Variants in DLGAP2 observed in about 807,000 individuals in gnomAD.
DLGAP2 encodes disks large-associated protein 2.
Under a neutral mutation model 100.3 loss-of-function variants are expected in DLGAP2, and 26 were observed. That is an observed-to-expected ratio of 0.26 (90% CI 0.19 to 0.36). The LOEUF (loss-of-function observed/expected upper bound fraction) is 0.36, where lower values mean the gene tolerates loss of function less well. DLGAP2 is among the 10% of genes least tolerant of loss of function. The probability of loss-of-function intolerance (pLI) is 1.00; values close to 1 mark genes in which losing one functional copy is unlikely to be tolerated. For synonymous variants in DLGAP2, 886 were observed against 630.1 expected (o/e 1.41, Z -6.08); for missense variants, 1,858 against 1,453.2 (o/e 1.28, Z -4.53).
At chr8:1,372,094 G>C (rs564505643) in intron 3 of DLGAP2, among the ~76,000 whole-genome samples, 29 of 152,256 alleles carry the variant, frequency 1.9e-4, no homozygotes, top group Non-Finnish European at 4.1e-4. Context: ...GGGGTGGGCA[G>C]CTGGGGACAG....
At chr8:809,339 A>C (rs1796326209) in intron 1 of DLGAP2, among the ~76,000 whole-genome samples, 2 of 152,316 alleles carry the variant, frequency 1.3e-5, no homozygotes, top group East Asian at 3.9e-4. Flanking sequence ...TCACTATTTG[A>C]AACTTTGCCC....
intron 1 of DLGAP2, among the ~76,000 whole-genome samples, chr8:832,753 A>G (rs941809567): frequency 1.3e-5 from 2 of 152,224 alleles, no homozygotes. Flanking sequence ...TGTCAGCTGC[A>G]GTAGGCAGCA....
At chr8:1,290,513 T>C (rs1467662914) in intron 3 of DLGAP2, among the ~76,000 whole-genome samples, 2 of 152,208 alleles carry the variant, frequency 1.3e-5, no homozygotes, top group Non-Finnish European at 2.9e-5. Flanking sequence ...CCCTTTATAA[T>C]GAAGGGATCA....
chr8:1,481,465 C>CTTTTTCT (rs1799090546), intron 3 of DLGAP2, among the ~76,000 whole-genome samples: 3 of 81,720 alleles, frequency 3.7e-5, no homozygotes, highest in Admixed American at 1.5e-4. Flanking sequence ...TTTTCTTTTT[C>CTTTTTCT]TTTTTCTTTT....
chr8:933,312 G>C (rs950759083), intron 2 of DLGAP2, among the ~76,000 whole-genome samples: 4 of 152,166 alleles, frequency 2.6e-5, no homozygotes, highest in African/African-American at 9.7e-5. Flanking sequence ...TCCCGGGGGT[G>C]AGGGCAGAGT....
chr8:1,439,162 A>G (rs936108425), intron 3 of DLGAP2, among the ~76,000 whole-genome samples: 2 of 152,092 alleles, frequency 1.3e-5, no homozygotes, highest in African/African-American at 4.8e-5. Context: ...AGTGCTGAGA[A>G]TTTAAGAGAA....
intron 2 of DLGAP2, among the ~76,000 whole-genome samples, chr8:1,136,097 TC>T (rs5888820): frequency 0.03 from 4,626 of 152,194 alleles, 153 homozygotes; most frequent in African/African-American, 0.083. Context: ...GATTTGAGAT[TC>T]CCCTTGCCTT....
chr8:1,229,761 A>C (rs1164352208), intron 2 of DLGAP2, among the ~76,000 whole-genome samples: 1 of 152,198 alleles, frequency 6.6e-6, no homozygotes, highest in Non-Finnish European at 1.5e-5. Flanking sequence ...AGAATTACAA[A>C]CAAAAACCAT....
chr8:1,451,306 T>TG (rs976876067), intron 3 of DLGAP2, among the ~76,000 whole-genome samples: 25 of 152,108 alleles, frequency 1.6e-4, no homozygotes, highest in African/African-American at 5.8e-4. Context: ...ACTCAGTCCC[T>TG]GGGGGAGGAG....
chr8:1,260,395 C>T (rs1195751921), intron 3 of DLGAP2, among the ~76,000 whole-genome samples: 2 of 152,088 alleles, frequency 1.3e-5, no homozygotes, highest in African/African-American at 4.8e-5. Flanking sequence ...TCTTGCTCTT[C>T]GTCTACTTGT....
chr8:1,513,041 A>C lies in DLGAP2; in HGVS notation c.172+11610A>C, dbSNP rs1267567111. Among the ~76,000 whole-genome samples, 5 of 152,018 alleles carry C rather than the reference A, an allele frequency of 3.3e-5. No individual in the cohort carries two copies. In the East Asian group the frequency reaches 9.7e-4, roughly 29 times the overall value. ...TGCAGAGGAGGATGGAAGAGGCCAC[A>C]GGCCAGCTCCAGGGAGGCTCAGTGG... On this transcript the variant is annotated intron_variant, in intron 4 of 14. Transcript: ENST00000637795.
chr8:882,340 C>T (rs1194289914), intron 1 of DLGAP2, among the ~76,000 whole-genome samples: 1 of 150,574 alleles, frequency 6.6e-6, no homozygotes, highest in African/African-American at 2.4e-5. Flanking sequence ...CCAGCGGCAC[C>T]GCTCCCTGCG....
chr8:1,225,544 A>G (rs1189905163), intron 2 of DLGAP2, among the ~76,000 whole-genome samples: 3 of 152,198 alleles, frequency 2.0e-5, no homozygotes, highest in African/African-American at 7.2e-5. Flanking sequence ...ATGCCACTAC[A>G]TGGATCCCGT....
At chr8:1,253,276 T>C (rs1233540989) in intron 2 of DLGAP2, among the ~76,000 whole-genome samples, 1 of 152,180 alleles carries the variant, frequency 6.6e-6, no homozygotes, top group African/African-American at 2.4e-5. Context: ...GGTTCCTGTG[T>C]GTGCCCTTTC....
At chr8:1,032,414 C>G (rs999483358) in intron 2 of DLGAP2, among the ~76,000 whole-genome samples, 2 of 152,186 alleles carry the variant, frequency 1.3e-5, no homozygotes, top group African/African-American at 4.8e-5. Flanking sequence ...CATCTTGAGC[C>G]AGCGCACGAT....
intron 3 of DLGAP2, among the ~76,000 whole-genome samples, chr8:1,386,229 C>G (rs1055543103): frequency 6.6e-6 from 1 of 152,090 alleles, no homozygotes; most frequent in African/African-American, 2.4e-5. Flanking sequence ...GGGAAATGAT[C>G]CAGGAAAAGG....
At chr8:1,544,735 ATTTT>A (rs35617361) in intron 4 of DLGAP2, among the ~76,000 whole-genome samples, 2 of 145,716 alleles carry the variant, frequency 1.4e-5, no homozygotes, top group South Asian at 4.4e-4. Flanking sequence ...ATTTTTGAGG[ATTTT>A]TTTTTTTTTT....
chr8:1,464,282 A>ACGG (rs1798550484), intron 3 of DLGAP2, among the ~76,000 whole-genome samples: 4 of 109,026 alleles, frequency 3.7e-5, no homozygotes, highest in Admixed American at 9.1e-5. Flanking sequence ...CCCTTCCAGG[A>ACGG]CAACGCCCTT....
intron 6 of DLGAP2, among the ~76,000 whole-genome samples, chr8:1,582,607 C>A (rs911269155): frequency 6.9e-6 from 1 of 145,620 alleles, no homozygotes; most frequent in African/African-American, 2.5e-5. Context: ...TTTCCCCCGC[C>A]AAGATGGAGT....
Sources: allele counts gnomAD v4.1 joint callset (sites outside exome capture counted in the v4.1 genomes callset), GRCh38; gene constraint gnomAD v4.1.1; transcripts MANE v1.5; gene names NCBI Gene and HGNC (gene_info 2026-07-23, HGNC 2026-07-21).